JAKMIP3: variants seen among roughly 807,000 people sequenced by gnomAD.
The protein encoded by JAKMIP3 is janus kinase and microtubule-interacting protein 3.
JAKMIP3 carries 58 observed loss-of-function variants against 118.5 expected under a neutral mutation model. The observed-to-expected ratio is 0.49, with a 90% CI of 0.40 to 0.61. The LOEUF is 0.61. Among genes scored for constraint, JAKMIP3 ranks in the 20% least tolerant of loss-of-function variants. The pLI, the probability that JAKMIP3 is intolerant of heterozygous loss-of-function variation, is 0.00. For synonymous variants in JAKMIP3, 486 were observed against 451.2 expected, an observed-to-expected ratio of 1.08 and a Z score of -0.98; for missense variants, 950 against 1,109.0, an observed-to-expected ratio of 0.86 and a Z score of 2.04.
In JAKMIP3 at chr10:132,039,992, A is replaced by G. The variant is rs146964844; in HGVS notation, c.-138+3254A>G. On this transcript the variant is annotated intron_variant, in intron 1 of 23. Coordinates refer to the JAKMIP3 transcript ENST00000657785. ...CTAAAATTTCAGAAGGCTGGGATGA[A>G]GACAATCAGTACTCATAACTAACAC... 8.5e-5 allele frequency among the ~76,000 whole-genome samples: 13 copies of G among 152,362 alleles called. No homozygotes were observed. In the East Asian group the frequency reaches 2.5e-3, roughly 29 times the overall value.
At chr10:132,106,543 G>A (rs535321055) in intron 2 of JAKMIP3, among the ~76,000 whole-genome samples, 7 of 152,266 alleles carry the variant, frequency 4.6e-5, no homozygotes, top group South Asian at 2.1e-4. Context: ...CTGAGGCTTC[G>A]GGGCACAGCT....
chr10:132,138,514 T>G (rs2052414069), intron 9 of JAKMIP3, among the ~76,000 whole-genome samples: 1 of 152,210 alleles, frequency 6.6e-6, no homozygotes. Flanking sequence ...TGGCGTGTGC[T>G]TAGTAGGAAT....
At chr10:132,094,674 T>G (rs2043604860) in intron 1 of JAKMIP3, among the ~76,000 whole-genome samples, 1 of 151,986 alleles carries the variant, frequency 6.6e-6, no homozygotes, top group South Asian at 2.1e-4. Flanking sequence ...GCACTTAGCT[T>G]TGGTGGTCTA....
chr10:132,159,537 GGAGGGTCTCT>G (rs2057630683), intron 19 of JAKMIP3, among the ~76,000 whole-genome samples: 1 of 139,722 alleles, frequency 7.2e-6, no homozygotes, highest in African/African-American at 2.8e-5. Context: ...TGTGATGCTG[GGAGGGTCTCT>G]CCCTGTGTGA....
Position 132,167,574 on chromosome 10 carries a change from A to G in JAKMIP3, c.*23-379A>G, listed in dbSNP as rs188428462. 6.2e-3 allele frequency among the ~76,000 whole-genome samples: 941 copies of G among 152,166 alleles called. 3 individuals carry two copies. The highest frequency in any genetic ancestry group is 0.01 in the Non-Finnish European group (702 of 67,980). ...AGGTCATGGCTGCTGCTACCATGGC[A>G]CCCGCCAGCATAGATGGCTGCCTCC... On this transcript the variant is annotated intron_variant, in intron 22 of 23. Transcript: ENST00000684848.
chr10:132,180,568 C>CGTGCGTGCGTGTGTGCGT (rs2060769812), intron 23 of JAKMIP3, among the ~76,000 whole-genome samples: 1 of 22,314 alleles, frequency 4.5e-5, no homozygotes, highest in African/African-American at 2.9e-4. Context: ...CGTGTGTGTG[C>CGTGCGTGCGTGTGTGCGT]GTGTGTGTGT....
At chr10:132,068,280 A>G (rs2039248026) in intron 1 of JAKMIP3, among the ~76,000 whole-genome samples, 1 of 152,176 alleles carries the variant, frequency 6.6e-6, no homozygotes, top group Non-Finnish European at 1.5e-5. Flanking sequence ...GACCAATGCC[A>G]TATCTTTTTA....
rs1589925921 is a variant in JAKMIP3 at position 132,140,693 on chromosome 10, T to TCCTGCC, written c.1473+114_1473+115insCCTGCC. 53 of 1,388,956 alleles carry TCCTGCC rather than the reference T, an allele frequency of 3.8e-5. No individual in the cohort carries two copies. In the East Asian group the frequency reaches 6.5e-4, roughly 17 times the overall value. The allele number at this position is 1,388,956 out of a possible 1,614,324, so 86.0% of individuals were successfully genotyped here. Reference sequence around the variant, plus strand: ...TCTCCTGCCGGGTCCTGGGCTTGGCTGGGCATGGGCTGCCGGCTTTTCACG... The same window carrying TCCTGCC: ...TCTCCTGCCGGGTCCTGGGCTTGGCTCCTGCCGGGCATGGGCTGCCGGCTTTTCACG... On this transcript the variant is annotated intron_variant, in intron 10 of 23. Transcript: ENST00000684848.
chr10:132,148,262 C>T (rs917736579), intron 14 of JAKMIP3, among the ~76,000 whole-genome samples: 1 of 152,212 alleles, frequency 6.6e-6, no homozygotes, highest in African/African-American at 2.4e-5. Flanking sequence ...GGCCATGGAG[C>T]TCAGTGTCAG....
chr10:132,082,952 G>T (rs921999372), intron 1 of JAKMIP3, among the ~76,000 whole-genome samples: 3 of 152,166 alleles, frequency 2.0e-5, no homozygotes, highest in African/African-American at 4.8e-5. Context: ...TGGGCATTTG[G>T]GTTGGTTCCA....
At chr10:132,145,026 C>A in intron 11 of JAKMIP3, 81 bp from the exon 12 acceptor site, 1 of 1,162,972 alleles carries the variant, frequency 8.6e-7, no homozygotes, top group East Asian at 2.5e-5. Flanking sequence ...AAGACAGACC[C>A]TTCTGACGTC....
chr10:132,039,638 G>A (rs902886522), intron 1 of JAKMIP3, among the ~76,000 whole-genome samples: 8 of 152,152 alleles, frequency 5.3e-5, no homozygotes, highest in African/African-American at 1.7e-4. Flanking sequence ...CCAGAGAGGC[G>A]ACCCCCACTC....
intron 2 of JAKMIP3, among the ~76,000 whole-genome samples, chr10:132,110,204 A>C (rs1369901409): frequency 1.3e-5 from 2 of 152,198 alleles, no homozygotes; most frequent in Admixed American, 1.3e-4. Context: ...GCAGCCCCCA[A>C]GCCATTCTGG....
chr10:132,051,933 T>C (rs116211102), intron 1 of JAKMIP3, among the ~76,000 whole-genome samples: 1,646 of 152,320 alleles, frequency 0.011, 29 homozygotes, highest in African/African-American at 0.038. Flanking sequence ...AAAAGCATAT[T>C]TAAAACATTA....
At chr10:132,050,996 G>T (rs561772807) in intron 1 of JAKMIP3, among the ~76,000 whole-genome samples, 6 of 150,834 alleles carry the variant, frequency 4.0e-5, no homozygotes, top group African/African-American at 1.2e-4. Context: ...CAGCTGTTCT[G>T]GTGGGTGGGT....
At chr10:132,063,667 C>T (rs943453835), upstream of JAKMIP3, among the ~76,000 whole-genome samples, 14 of 152,226 alleles carry the variant, frequency 9.2e-5, no homozygotes, top group African/African-American at 3.1e-4. Context: ...AGAGAACGGA[C>T]CGTCTGCAAG....
chr10:132,149,569 C>CCTCCCTGCCCCCGCCCCACCCT, intron 15 of JAKMIP3, 59 bp downstream of exon 15: 1 of 635,274 alleles, frequency 1.6e-6, no homozygotes, highest in South Asian at 2.1e-5. Context: ...CGCCCCACCC[C>CCTCCCTGCCCCCGCCCCACCCT]CTCTCCGCCC....
chr10:132,139,135 CAT>C, intron 9 of JAKMIP3, among the ~76,000 whole-genome samples: 1 of 127,940 alleles, frequency 7.8e-6, no homozygotes, highest in African/African-American at 3.1e-5. Context: ...TGTGTGTGTG[CAT>C]GTGTATGTGA....
chr10:132,145,204 C>T lies in JAKMIP3; in HGVS notation c.1686+14C>T, dbSNP rs2054357834. 1.9e-6 allele frequency: 3 copies of T among 1,598,296 alleles called. No individual in the cohort carries two copies. The highest frequency in any genetic ancestry group is 1.7e-4 in the Middle Eastern group (1 of 6,042). ...GAGCAGGGGCAGGTGAGCCTGCAGCCATCTGCACGGGCGTGGGGGCACACG... is the reference window on the plus strand; with the variant it reads ...GAGCAGGGGCAGGTGAGCCTGCAGCTATCTGCACGGGCGTGGGGGCACACG... On this transcript the variant is annotated intron_variant, in intron 12 of 23. Coordinates refer to ENST00000684848, the MANE Select transcript of JAKMIP3 (RefSeq NM_001323087.2).
Sources: allele counts gnomAD v4.1 joint callset (sites outside exome capture counted in the v4.1 genomes callset), GRCh38; gene constraint gnomAD v4.1.1; transcripts MANE v1.5; gene names NCBI Gene and HGNC (gene_info 2026-07-23, HGNC 2026-07-21).